The following CNTN4 variants were observed in gnomAD, a reference collection of about 807,000 sequenced individuals.
The protein encoded by CNTN4 is contactin-4.
CNTN4 carries 77 observed loss-of-function variants against 122.5 expected under a neutral mutation model. The ratio of observed to expected loss-of-function variants is 0.63; its 90% CI spans 0.52 to 0.76. The LOEUF (loss-of-function observed/expected upper bound fraction) is 0.76. CNTN4 is among the 30% of genes least tolerant of loss of function. CNTN4 has a pLI of 0.00. For synonymous variants in CNTN4, 512 were observed against 447.0 expected, an observed-to-expected ratio of 1.15 and a Z score of -1.83; for missense variants, 1,256 against 1,259.1, an observed-to-expected ratio of 1.00 and a Z score of 0.04.
At chr3:2,264,030 A>C (rs1452665225) in intron 2 of CNTN4, among the ~76,000 whole-genome samples, 4 of 152,148 alleles carry the variant, frequency 2.6e-5, no homozygotes, top group Non-Finnish European at 4.4e-5. Context: ...GGACACAAAG[A>C]GTAATTCCAT....
rs142217235 is a variant in CNTN4 at position 2,209,997 on chromosome 3, C to G, written c.-145+109358C>G. On this transcript the variant is annotated intron_variant, in intron 2 of 24. Coordinates refer to ENST00000418658, the MANE Select transcript of CNTN4 (RefSeq NM_175607.3). ...TACTGGTATTATTATCAAAGCATAGCCTAGCCTTTCCTGGCTGATACACAC... is the reference window on the plus strand; with the variant it reads ...TACTGGTATTATTATCAAAGCATAGGCTAGCCTTTCCTGGCTGATACACAC... Among the ~76,000 whole-genome samples, 10 of 152,064 alleles carry G rather than the reference C, an allele frequency of 6.6e-5. No homozygotes were observed. The East Asian group carries it at 1.9e-3, about 29-fold the overall frequency.
intron 8 of CNTN4, among the ~76,000 whole-genome samples, chr3:2,880,681 T>G (rs2093898110): frequency 6.6e-6 from 1 of 152,190 alleles, no homozygotes; most frequent in Admixed American, 6.5e-5. Flanking sequence ...CAAGCATGAG[T>G]GTAATGTATT....
At chr3:2,240,544 T>C (rs2039889770) in intron 2 of CNTN4, among the ~76,000 whole-genome samples, 1 of 152,114 alleles carries the variant, frequency 6.6e-6, no homozygotes, top group South Asian at 2.1e-4. Context: ...AATCCTATGA[T>C]TTTATGATTT....
intron 4 of CNTN4, among the ~76,000 whole-genome samples, chr3:2,597,896 G>A (rs143459583): frequency 5.5e-4 from 84 of 152,238 alleles, no homozygotes; most frequent in Non-Finnish European, 9.8e-4. Context: ...TCTGTATGTA[G>A]GAGGAAGAAA....
At chr3:2,322,850 A>C (rs1145045) in intron 2 of CNTN4, among the ~76,000 whole-genome samples, 125,907 of 151,824 alleles carry the variant, frequency 0.83, 52,697 homozygotes, top group East Asian at 1. Context: ...GATCTTTAAA[A>C]TAGAGGAAAA....
At chr3:2,220,722 C>T (rs1316085492) in intron 2 of CNTN4, among the ~76,000 whole-genome samples, 1 of 152,040 alleles carries the variant, frequency 6.6e-6, no homozygotes, top group East Asian at 1.9e-4. Flanking sequence ...TTGCAAGGAG[C>T]TTGACACCAT....
chr3:2,378,286 A>G (rs1465892157), intron 3 of CNTN4, among the ~76,000 whole-genome samples: 2 of 152,188 alleles, frequency 1.3e-5, no homozygotes, highest in Non-Finnish European at 2.9e-5. Context: ...CTGTTTCAGT[A>G]TGGGCCTTCC....
chr3:2,854,278 T>TTC (rs1445601277), intron 7 of CNTN4, among the ~76,000 whole-genome samples: 6 of 143,290 alleles, frequency 4.2e-5, no homozygotes, highest in African/African-American at 1.5e-4. Flanking sequence ...CTTTTTTTTT[T>TTC]TTTTTTTTTT....
intron 2 of CNTN4, among the ~76,000 whole-genome samples, chr3:2,333,151 G>A (rs1339840407): frequency 6.6e-6 from 1 of 152,152 alleles, no homozygotes; most frequent in Non-Finnish European, 1.5e-5. Flanking sequence ...AGCAGCATAA[G>A]CCATTCCCAC....
At chr3:2,952,728 C>G (rs2094758725) in intron 13 of CNTN4, among the ~76,000 whole-genome samples, 1 of 152,136 alleles carries the variant, frequency 6.6e-6, no homozygotes, top group South Asian at 2.1e-4. Flanking sequence ...TTGAACAGTT[C>G]AGTTTCTTCT....
intron 22 of CNTN4, 110 bp downstream of exon 22, chr3:3,043,273 G>T (rs910987009): frequency 2.8e-6 from 3 of 1,056,954 alleles, no homozygotes; most frequent in Non-Finnish European, 4.3e-6. Context: ...AGTAGCATGT[G>T]GATTCAAATT....
chr3:2,183,153 A>T (rs1346033103), intron 2 of CNTN4, among the ~76,000 whole-genome samples: 3 of 152,172 alleles, frequency 2.0e-5, no homozygotes, highest in Non-Finnish European at 2.9e-5. Flanking sequence ...ATTTGACTGG[A>T]TCTCTCATTA....
At chr3:2,538,009 T>G (rs961253909) in intron 3 of CNTN4, among the ~76,000 whole-genome samples, 1 of 151,398 alleles carries the variant, frequency 6.6e-6, no homozygotes. Flanking sequence ...GTACACCTGA[T>G]TGTGACCTTA....
At chr3:2,702,148 G>T (rs2086392605) in intron 4 of CNTN4, among the ~76,000 whole-genome samples, 1 of 152,196 alleles carries the variant, frequency 6.6e-6, no homozygotes, top group African/African-American at 2.4e-5. Context: ...AACAATGTCT[G>T]ATTGACTTAC....
chr3:2,212,665 C>T (rs1385565622), intron 2 of CNTN4, among the ~76,000 whole-genome samples: 2 of 152,148 alleles, frequency 1.3e-5, no homozygotes, highest in East Asian at 1.9e-4. Flanking sequence ...ACAGCCAAAC[C>T]GTATCAGCTA....
chr3:2,226,311 T>C lies in CNTN4; in HGVS notation c.-144-112867T>C, dbSNP rs539355842. On this transcript the variant is annotated intron_variant, in intron 2 of 24. Transcript: ENST00000418658. ...CGTAGTTAGCAAAGTAGTATGCTGC[T>C]ATTTGGGCTCCGTAAGAATCTTATC... is the stretch of plus-strand genomic sequence containing the variant. Among the ~76,000 whole-genome samples the C allele has an allele frequency of 3.3e-5, 5 of 152,324 alleles. No individual in the cohort carries two copies. The South Asian group carries it at 1.0e-3, about 32-fold the overall frequency.
At chr3:2,938,919 T>G (rs1052877003) in intron 13 of CNTN4, among the ~76,000 whole-genome samples, 2 of 152,152 alleles carry the variant, frequency 1.3e-5, no homozygotes, top group Admixed American at 1.3e-4. Flanking sequence ...TAAGAGCAAT[T>G]AGAACTGAAG....
At chr3:2,164,180 GAAAA>G (rs2036088339) in intron 2 of CNTN4, among the ~76,000 whole-genome samples, 1 of 149,856 alleles carries the variant, frequency 6.7e-6, no homozygotes, top group African/African-American at 2.5e-5. Context: ...AAATAAAAAA[GAAAA>G]AAAGGAAAGC....
At chr3:2,611,297 C>CA (rs201162114) in intron 4 of CNTN4, among the ~76,000 whole-genome samples, 1,804 of 62,372 alleles carry the variant, frequency 0.029, 100 homozygotes, top group South Asian at 0.068. Flanking sequence ...CACCTGGAAC[C>CA]AAAAAAAAAA....
Sources: allele counts gnomAD v4.1 joint callset (sites outside exome capture counted in the v4.1 genomes callset), GRCh38; gene constraint gnomAD v4.1.1; transcripts MANE v1.5; gene names NCBI Gene and HGNC (gene_info 2026-07-23, HGNC 2026-07-21).